Variants in TSPAN19 observed in about 807,000 individuals in gnomAD.
The protein encoded by TSPAN19 is tetraspanin 19.
Under a neutral mutation model 35.1 loss-of-function variants are expected in TSPAN19, and 44 were observed. The ratio of observed to expected loss-of-function variants is 1.25; its 90% CI spans 0.98 to 1.61. The LOEUF is 1.61. Among genes scored for constraint, TSPAN19 ranks in the 40% most tolerant of loss-of-function variants. The pLI is 0.00. For missense variants in TSPAN19, 290 were observed against 280.0 expected (o/e 1.04, Z -0.26); for synonymous variants, 79 against 92.0 (o/e 0.86, Z 0.81).
Position 85,029,922 on chromosome 12 carries a change from T to C in TSPAN19, c.25A>G (p.Ile9Val). 6.8e-7 allele frequency: 1 copy of C among 1,460,440 alleles called. No homozygotes were observed. Among genetic ancestry groups the C allele is most frequent in the Non-Finnish European group, 9.2e-7 (1 of 1,081,258 alleles). The allele number at this position is 1,460,440 out of a possible 1,614,324, so 90.5% of individuals were successfully genotyped here. Residue 9 changes from isoleucine to valine, a missense_variant, in exon 2 of 9, where the codon ATT becomes GTT. Coordinates refer to ENST00000532498, the MANE Select transcript of TSPAN19 (RefSeq NM_001100917.2). MLRNNKTI[I>V]IKYFLNLING... Reference sequence around the variant, plus strand: ...ATGAGATTAAGAAAGTACTTAATAATTATTGTTTTGTTATTTCTTAACATT... The same window carrying C: ...ATGAGATTAAGAAAGTACTTAATAACTATTGTTTTGTTATTTCTTAACATT...
At chr12:85,020,734 C>T (rs1468785760) in intron 5 of TSPAN19, among the ~76,000 whole-genome samples, 1 of 152,000 alleles carries the variant, frequency 6.6e-6, no homozygotes, top group African/African-American at 2.4e-5. Context: ...TGCTAAATTT[C>T]CCCTAGTTTA....
rs145965060 is a variant in TSPAN19 at position 85,033,932 on chromosome 12, G to A, written c.-28+2272C>T. On this transcript the variant is annotated intron_variant, in intron 1 of 8. Coordinates refer to ENST00000532498, the MANE Select transcript of TSPAN19 (RefSeq NM_001100917.2). ...CGTTATATCATAAGGCTAGAATCTCGTTATATCATATCTCAGTATAGAAAT... is the reference window on the plus strand; with the variant it reads ...CGTTATATCATAAGGCTAGAATCTCATTATATCATATCTCAGTATAGAAAT... 2.7e-4 allele frequency among the ~76,000 whole-genome samples: 41 copies of A among 152,192 alleles called. No individual in the cohort carries two copies. The East Asian group carries it at 4.8e-3, about 18-fold the overall frequency.
chr12:85,018,422 T>C (rs1182764654), intron 6 of TSPAN19, among the ~76,000 whole-genome samples: 6 of 151,922 alleles, frequency 3.9e-5, no homozygotes, highest in Non-Finnish European at 8.8e-5. Context: ...ATATATTATC[T>C]CAGTTATATT....
At chr12:85,031,616 A>G (rs1357362074) in intron 1 of TSPAN19, among the ~76,000 whole-genome samples, 1 of 152,136 alleles carries the variant, frequency 6.6e-6, no homozygotes, top group Non-Finnish European at 1.5e-5. Flanking sequence ...TCTCAGTTCA[A>G]AGTAGGTGAT....
chr12:85,021,372 T>A (rs1001686202), intron 5 of TSPAN19, among the ~76,000 whole-genome samples: 2 of 152,046 alleles, frequency 1.3e-5, no homozygotes, highest in South Asian at 4.1e-4. Context: ...CTTATATATC[T>A]GTATTTTAAT....
intron 4 of TSPAN19, among the ~76,000 whole-genome samples, chr12:85,026,575 A>G (rs1160173572): frequency 6.6e-6 from 1 of 152,118 alleles, no homozygotes; most frequent in Non-Finnish European, 1.5e-5. Flanking sequence ...TAATATTCAA[A>G]TAGTAGTAGA....
At chr12:85,036,102 A>G (rs1297140587) in intron 1 of TSPAN19, 102 bp downstream of exon 1, 1 of 152,206 alleles carries the variant, frequency 6.6e-6, no homozygotes, top group Non-Finnish European at 1.5e-5. Context: ...GCTCAGAAAC[A>G]ATTTAAAAAA....
intron 4 of TSPAN19, among the ~76,000 whole-genome samples, chr12:85,027,350 T>C (rs1027368194): frequency 6.6e-6 from 1 of 152,166 alleles, no homozygotes; most frequent in African/African-American, 2.4e-5. Context: ...ACTCATTAGC[T>C]GGGTGACAGG....
At chr12:85,033,467 A>AG (rs11441339) in intron 1 of TSPAN19, among the ~76,000 whole-genome samples, 33,014 of 151,984 alleles carry the variant, frequency 0.22, 3,935 homozygotes, top group Middle Eastern at 0.3. Flanking sequence ...GAATGGAAAC[A>AG]GTATCACAAT....
At position 85,027,945 on chromosome 12, in the gene TSPAN19, A is replaced by C. The variant is rs760340054; in HGVS notation, c.218T>G (p.Leu73Trp). Reference protein sequence around the residue: ...MGSSTVLFCLLGYIGIHNEIR... With the variant: ...MGSSTVLFCLWGYIGIHNEIR... ...TTCGTTGTGAATTCCTATATAACCCAATAGACAAAAAAGAACAGTAGAAGA... is the reference window on the plus strand; with the variant it reads ...TTCGTTGTGAATTCCTATATAACCCCATAGACAAAAAAGAACAGTAGAAGA... Residue 73 changes from leucine (L) to tryptophan (W), a missense_variant, in exon 4 of 9, where the codon TTG becomes TGG. Coordinates refer to ENST00000532498, the MANE Select transcript of TSPAN19 (RefSeq NM_001100917.2). 8 of 1,599,018 alleles carry C rather than the reference A, an allele frequency of 5.0e-6. No individual in the cohort carries two copies. Among genetic ancestry groups the C allele is most frequent in the Non-Finnish European group, 6.8e-6 (8 of 1,171,900 alleles).
chr12:85,014,678 G>A, intron 8 of TSPAN19, 123 bp from the exon 9 acceptor site: 3 of 649,718 alleles, frequency 4.6e-6, no homozygotes, highest in South Asian at 4.3e-5. Context: ...AAACTGGTGA[G>A]AAAATTTCAG....
chr12:85,033,310 T>A (rs1253644336), intron 1 of TSPAN19, among the ~76,000 whole-genome samples: 5 of 152,058 alleles, frequency 3.3e-5, no homozygotes, highest in African/African-American at 1.2e-4. Flanking sequence ...AGAAGTAGAC[T>A]CAGTAAAGAT....
chr12:85,031,498 T>G (rs1877683238), intron 1 of TSPAN19, among the ~76,000 whole-genome samples: 1 of 152,124 alleles, frequency 6.6e-6, no homozygotes, highest in African/African-American at 2.4e-5. Flanking sequence ...ATGTGAAATG[T>G]TGAAGGCATG....
At chr12:85,024,013 T>G (rs1877267082) in intron 4 of TSPAN19, among the ~76,000 whole-genome samples, 1 of 152,040 alleles carries the variant, frequency 6.6e-6, no homozygotes. Flanking sequence ...ATATGTTGAG[T>G]TATTCAAGAA....
intron 1 of TSPAN19, 117 bp downstream of exon 1, chr12:85,036,087 A>G (rs1439364802): frequency 6.6e-6 from 1 of 152,220 alleles, no homozygotes; most frequent in Non-Finnish European, 1.5e-5. Flanking sequence ...ATATAAATAT[A>G]TGTAGCTCAG....
intron 6 of TSPAN19, 90 bp downstream of exon 6, chr12:85,019,536 A>G (rs1267477878): frequency 2.6e-6 from 2 of 759,388 alleles, no homozygotes; most frequent in African/African-American, 3.7e-5. Flanking sequence ...ACTTTCATCC[A>G]TCTGCCCCAT....
rs188183670 is a variant in TSPAN19, at chr12:85,029,368, A to G, written c.139+351T>C. Reference sequence around the variant, plus strand: ...TGGGTGTTGTTTTGATACATACAATATATATAGTGATCAGATCAGAGTAAT... The same window carrying G: ...TGGGTGTTGTTTTGATACATACAATGTATATAGTGATCAGATCAGAGTAAT... On this transcript the variant is annotated intron_variant, in intron 3 of 8. Transcript: ENST00000532498. Among the ~76,000 whole-genome samples, 578 of 152,262 alleles carry G rather than the reference A, an allele frequency of 3.8e-3. 6 individuals carry two copies. The highest frequency in any genetic ancestry group is 3.8e-3 in the Non-Finnish European group (259 of 68,008).
At chr12:85,033,164 T>A (rs1401998515) in intron 1 of TSPAN19, among the ~76,000 whole-genome samples, 1 of 151,936 alleles carries the variant, frequency 6.6e-6, no homozygotes, top group East Asian at 1.9e-4. Flanking sequence ...GAAGGAAGAT[T>A]AAGAAGGTCC....
chr12:85,023,788 T>C (rs531414346), intron 4 of TSPAN19, among the ~76,000 whole-genome samples: 1 of 152,326 alleles, frequency 6.6e-6, no homozygotes, highest in Non-Finnish European at 1.5e-5. Context: ...ATGCAGAAAG[T>C]AGAACGTATA....
Sources: gnomAD v4.1 joint callset for allele counts (sites outside exome capture counted in the v4.1 genomes callset) on GRCh38, gnomAD v4.1.1 for gene constraint, MANE v1.5 for transcripts, NCBI Gene and HGNC (gene_info 2026-07-23, HGNC 2026-07-21) for gene names.